ITGA9: variants seen among roughly 807,000 people sequenced by gnomAD.
The protein encoded by ITGA9 is integrin subunit alpha 9, also known as integrin alpha-9.
ITGA9 carries 56 observed loss-of-function variants against 127.8 expected under a neutral mutation model. That is an observed-to-expected ratio of 0.44 (90% CI 0.35 to 0.55). The LOEUF (loss-of-function observed/expected upper bound fraction) is 0.55, where lower values mean the gene tolerates loss of function less well. Ranked by LOEUF, ITGA9 falls within the 20% of genes least tolerant of loss-of-function variation. The pLI is 0.00. For synonymous variants in ITGA9, 508 were observed against 514.5 expected, an observed-to-expected ratio of 0.99 and a Z score of 0.17; for missense variants, 1,196 against 1,347.1, an observed-to-expected ratio of 0.89 and a Z score of 1.76.
At chr3:37,721,257 C>G (rs1334255564) in intron 18 of ITGA9, among the ~76,000 whole-genome samples, 1 of 151,702 alleles carries the variant, frequency 6.6e-6, no homozygotes, top group Non-Finnish European at 1.5e-5. Flanking sequence ...TAGCTGGGAC[C>G]ACAGGTGTGT....
intron 1 of ITGA9, among the ~76,000 whole-genome samples, chr3:37,456,537 T>A (rs1444915758): frequency 6.6e-6 from 1 of 152,036 alleles, no homozygotes; most frequent in Non-Finnish European, 1.5e-5. Flanking sequence ...CCCCGTCCCC[T>A]CCTCCTTCTC....
chr3:37,546,165 C>G (rs1034255803), intron 15 of ITGA9, among the ~76,000 whole-genome samples: 3 of 152,058 alleles, frequency 2.0e-5, no homozygotes, highest in Non-Finnish European at 4.4e-5. Flanking sequence ...CAGAAAGTAA[C>G]TGTAAAAATA....
At chr3:37,516,841 T>A (rs368932700) in intron 9 of ITGA9, among the ~76,000 whole-genome samples, 5 of 152,240 alleles carry the variant, frequency 3.3e-5, no homozygotes, top group South Asian at 2.1e-4. Flanking sequence ...TAGGTATGAC[T>A]TTTTCCCCCA....
intron 14 of ITGA9, among the ~76,000 whole-genome samples, chr3:37,537,929 T>C (rs1699226243): frequency 6.6e-6 from 1 of 152,234 alleles, no homozygotes; most frequent in South Asian, 2.1e-4. Context: ...TGTGGCCCCT[T>C]GGAGCCTCCT....
chr3:37,712,340 G>A (rs1320014941), intron 18 of ITGA9, among the ~76,000 whole-genome samples: 3 of 106,860 alleles, frequency 2.8e-5, no homozygotes, highest in African/African-American at 3.8e-5. Context: ...CTGGAGCCAT[G>A]GTGGCTGGTT....
chr3:37,636,143 A>G (rs1302371150), intron 16 of ITGA9, among the ~76,000 whole-genome samples: 1 of 152,146 alleles, frequency 6.6e-6, no homozygotes, highest in Non-Finnish European at 1.5e-5. Flanking sequence ...TTGGGTATAT[A>G]CCCAGTAATG....
At chr3:37,669,862 G>A (rs930486325) in intron 17 of ITGA9, among the ~76,000 whole-genome samples, 2 of 152,158 alleles carry the variant, frequency 1.3e-5, no homozygotes, top group African/African-American at 2.4e-5. Flanking sequence ...ATGGAAGGGG[G>A]CTCCCTTGAG....
At chr3:37,751,044 G>C (rs188036116) in intron 23 of ITGA9, among the ~76,000 whole-genome samples, 1 of 152,228 alleles carries the variant, frequency 6.6e-6, no homozygotes, top group East Asian at 1.9e-4. Flanking sequence ...TGGAGCAGGT[G>C]AATATCTGAG....
chr3:37,719,236 A>T (rs1379278484), intron 18 of ITGA9, among the ~76,000 whole-genome samples: 1 of 152,134 alleles, frequency 6.6e-6, no homozygotes, highest in Non-Finnish European at 1.5e-5. Flanking sequence ...CTAGAAGTGG[A>T]TACCAGTTCT....
intron 20 of ITGA9, among the ~76,000 whole-genome samples, chr3:37,738,051 G>T (rs777959713): frequency 2.6e-5 from 4 of 152,114 alleles, no homozygotes; most frequent in African/African-American, 9.7e-5. Flanking sequence ...TAGCTAATCC[G>T]CAGTTTATGT....
rs1042851444 is a variant in ITGA9 at position 37,769,199 on chromosome 3, A to G, written c.2542-8193A>G. ...ACTAAAAATACAAAATTAGCCAGGC[A>G]TGGTGGCACACACCCATCATCCCAG... On this transcript the variant is annotated intron_variant, in intron 23 of 27. Coordinates refer to ENST00000264741, the MANE Select transcript of ITGA9 (RefSeq NM_002207.3). Among the ~76,000 whole-genome samples, 5 of 151,986 alleles carry G rather than the reference A, an allele frequency of 3.3e-5. No individual in the cohort carries two copies. In the East Asian group the frequency reaches 5.8e-4, roughly 18 times the overall value.
intron 15 of ITGA9, among the ~76,000 whole-genome samples, chr3:37,610,604 T>TA (rs1486813540): frequency 6.6e-6 from 1 of 152,190 alleles, no homozygotes. Context: ...AGAAAAATAA[T>TA]ACCTATGTCG....
intron 15 of ITGA9, among the ~76,000 whole-genome samples, chr3:37,583,589 C>T (rs569595062): frequency 1.3e-5 from 2 of 152,262 alleles, no homozygotes; most frequent in African/African-American, 2.4e-5. Flanking sequence ...TACTCATGCC[C>T]CCAATCTTAT....
chr3:37,727,352 A>G (rs1181314059), intron 18 of ITGA9, among the ~76,000 whole-genome samples: 1 of 152,248 alleles, frequency 6.6e-6, no homozygotes, highest in Non-Finnish European at 1.5e-5. Flanking sequence ...CGTCTTTGCC[A>G]GACAAGGAAA....
At chr3:37,661,092 G>A (rs1481854703) in intron 17 of ITGA9, among the ~76,000 whole-genome samples, 1 of 152,208 alleles carries the variant, frequency 6.6e-6, no homozygotes, top group Non-Finnish European at 1.5e-5. Flanking sequence ...ACACAGCAAA[G>A]GGCCTGAGTA....
intron 1 of ITGA9, among the ~76,000 whole-genome samples, chr3:37,464,890 A>C (rs560062560): frequency 6.6e-6 from 1 of 152,304 alleles, no homozygotes; most frequent in South Asian, 2.1e-4. Context: ...AGAGGTGGCT[A>C]TCCTGGCACC....
chr3:37,734,109 T>C (rs1696329966), intron 19 of ITGA9, among the ~76,000 whole-genome samples: 1 of 152,228 alleles, frequency 6.6e-6, no homozygotes. Context: ...AGTGGCCAAG[T>C]GGCCCATGAC....
intron 15 of ITGA9, among the ~76,000 whole-genome samples, chr3:37,612,211 G>A (rs551764310): frequency 2.6e-5 from 4 of 152,274 alleles, no homozygotes; most frequent in Admixed American, 6.5e-5. Context: ...ATTTCTGTGC[G>A]TGGACGCCTT....
intron 5 of ITGA9, 53 bp from the exon 6 acceptor site, chr3:37,503,125 C>T: frequency 1.2e-6 from 2 of 1,605,186 alleles, no homozygotes; most frequent in Admixed American, 1.7e-5. Flanking sequence ...TTGCATTCCC[C>T]TCCTCCCCTC....
Sources: gnomAD v4.1 joint callset for allele counts (sites outside exome capture counted in the v4.1 genomes callset) on GRCh38, gnomAD v4.1.1 for gene constraint, MANE v1.5 for transcripts, NCBI Gene and HGNC (gene_info 2026-07-23, HGNC 2026-07-21) for gene names.